Variants in CERKL observed in about 807,000 individuals in gnomAD.
CERKL encodes the protein CERK like autophagy regulator, also known as ceramide kinase-like protein.
CERKL carries 61 observed loss-of-function variants against 63.4 expected under a neutral mutation model. That is an observed-to-expected ratio of 0.96 (90% confidence interval 0.78 to 1.19). The LOEUF (loss-of-function observed/expected upper bound fraction) is 1.19, where lower values mean the gene tolerates loss of function less well. Among genes scored for constraint, CERKL ranks in the 50% most tolerant of loss-of-function variants. The pLI, the probability that CERKL is intolerant of heterozygous loss-of-function variation, is 0.00. For synonymous variants in CERKL, 250 were observed against 230.5 expected (o/e 1.08, Z -0.77); for missense variants, 675 against 655.5 (o/e 1.03, Z -0.33).
chr2:181,556,706 G>A (rs6721195), intron 5 of CERKL, among the ~76,000 whole-genome samples: 61,324 of 151,628 alleles, frequency 0.4, 13,418 homozygotes, highest in African/African-American at 0.57. Flanking sequence ...ATAAACATAT[G>A]TGTGTATGTG....
chr2:181,586,823 C>G (rs1328419302), intron 2 of CERKL, among the ~76,000 whole-genome samples: 1 of 152,244 alleles, frequency 6.6e-6, no homozygotes, highest in African/African-American at 2.4e-5. Context: ...CACTCCCAGA[C>G]TCACATCTGT....
At chr2:181,594,190 CTT>C (rs538562067) in intron 2 of CERKL, among the ~76,000 whole-genome samples, 139 of 152,258 alleles carry the variant, frequency 9.1e-4, no homozygotes, top group Middle Eastern at 3.4e-3. Flanking sequence ...TTATTGAACA[CTT>C]ATTATATGTG....
At chr2:181,625,621 C>T (rs918070061) in intron 1 of CERKL, among the ~76,000 whole-genome samples, 6 of 152,148 alleles carry the variant, frequency 3.9e-5, no homozygotes, top group Non-Finnish European at 7.3e-5. Flanking sequence ...AAAATGGCAT[C>T]GTGTTCTCAG....
chr2:181,576,430 T>G (rs1471620618), intron 2 of CERKL, among the ~76,000 whole-genome samples: 2 of 152,222 alleles, frequency 1.3e-5, no homozygotes, highest in Non-Finnish European at 2.9e-5. Context: ...TGATTGGGTT[T>G]TTAAAATATC....
intron 1 of CERKL, among the ~76,000 whole-genome samples, chr2:181,645,474 T>TA (rs1687630431): frequency 6.6e-6 from 1 of 152,348 alleles, no homozygotes; most frequent in East Asian, 1.9e-4. Context: ...TGGGAGGCCA[T>TA]ACTGCATGGA....
rs1559128437 is a variant in CERKL, at chr2:181,656,755, G to A, written c.238+14C>T. Reference sequence around the variant, plus strand: ...CGCGGAGGGAGGCGAAGACGCTTGGGGCCGGGCACTCACCCGCCGGGCGCT... The same window carrying A: ...CGCGGAGGGAGGCGAAGACGCTTGGAGCCGGGCACTCACCCGCCGGGCGCT... On this transcript the variant is annotated intron_variant, in intron 1 of 12. Coordinates refer to ENST00000410087, the MANE Select transcript of CERKL (RefSeq NM_201548.5). The A allele has an allele frequency of 6.3e-7, 1 of 1,581,464 alleles. No homozygotes were observed. Among genetic ancestry groups the A allele is most frequent in the Non-Finnish European group, 8.6e-7 (1 of 1,163,936 alleles).
intron 5 of CERKL, among the ~76,000 whole-genome samples, chr2:181,555,364 G>C (rs1688158257): frequency 6.6e-6 from 1 of 152,106 alleles, no homozygotes; most frequent in Non-Finnish European, 1.5e-5. Flanking sequence ...AAAATGCCAT[G>C]AAAAGATGGC....
Position 181,657,070 on chromosome 2 carries a change from G to A in CERKL, c.-64C>T, listed in dbSNP as rs778472631. ...GAGGCCTTTGGAGAAGGAGGTGGAG[G>A]GCGCGGCAGCCCCAGCTCTAGCCGC... On this transcript the variant is annotated 5_prime_UTR_variant, in exon 1 of 13. Coordinates refer to ENST00000410087, the MANE Select transcript of CERKL (RefSeq NM_201548.5). The A allele has an allele frequency of 2.9e-5, 41 of 1,422,234 alleles. No homozygotes were observed. In the East Asian group the frequency reaches 9.1e-4, roughly 32 times the overall value. 88.1% of individuals were successfully genotyped at this position (1,422,234 alleles called of 1,614,324 possible).
intron 1 of CERKL, among the ~76,000 whole-genome samples, chr2:181,611,325 T>C (rs1023626656): frequency 6.6e-6 from 1 of 151,726 alleles, no homozygotes; most frequent in Non-Finnish European, 1.5e-5. Context: ...TTGGTTTTGT[T>C]AAAAAAAAGT....
intron 2 of CERKL, among the ~76,000 whole-genome samples, chr2:181,579,622 A>G (rs1033973018): frequency 4.6e-5 from 7 of 151,884 alleles, no homozygotes; most frequent in Non-Finnish European, 8.8e-5. Flanking sequence ...ATTTGAATTT[A>G]TCAATCATCT....
At chr2:181,554,433 G>T (rs1299515258) in intron 5 of CERKL, among the ~76,000 whole-genome samples, 1 of 152,140 alleles carries the variant, frequency 6.6e-6, no homozygotes, top group Non-Finnish European at 1.5e-5. Context: ...TGGAAAGCAT[G>T]AATTTATTTA....
At chr2:181,587,409 A>G (rs960512305) in intron 2 of CERKL, among the ~76,000 whole-genome samples, 17 of 152,214 alleles carry the variant, frequency 1.1e-4, no homozygotes, top group African/African-American at 3.9e-4. Context: ...ATTTAAATAG[A>G]GAGCAAGAGA....
intron 1 of CERKL, among the ~76,000 whole-genome samples, chr2:181,606,112 G>C (rs1329778439): frequency 1.3e-5 from 2 of 148,360 alleles, no homozygotes; most frequent in African/African-American, 5.0e-5. Flanking sequence ...CAGAAGGAAA[G>C]GAAAGGCAAG....
chr2:181,628,166 T>C (rs1436681851), intron 1 of CERKL, among the ~76,000 whole-genome samples: 3 of 152,198 alleles, frequency 2.0e-5, no homozygotes, highest in South Asian at 2.1e-4. Flanking sequence ...AAACTCTTAT[T>C]TAAGCTTCAG....
At chr2:181,582,496 T>C (rs567555669) in intron 2 of CERKL, among the ~76,000 whole-genome samples, 26 of 151,142 alleles carry the variant, frequency 1.7e-4, no homozygotes, top group African/African-American at 6.3e-4. Context: ...TTTTATTTTA[T>C]TCAACTGAAA....
chr2:181,592,448 T>C (rs893137593), intron 2 of CERKL, among the ~76,000 whole-genome samples: 1 of 152,196 alleles, frequency 6.6e-6, no homozygotes, highest in Admixed American at 6.6e-5. Flanking sequence ...ACATAAGTAT[T>C]AACTATAAAA....
chr2:181,545,921 G>T (rs938042057), intron 10 of CERKL, among the ~76,000 whole-genome samples: 10 of 152,068 alleles, frequency 6.6e-5, no homozygotes, highest in African/African-American at 2.2e-4. Context: ...TTTAATCTTA[G>T]AATACTTAGA....
At chr2:181,562,469 GT>G (rs927530238) in intron 4 of CERKL, among the ~76,000 whole-genome samples, 10 of 152,188 alleles carry the variant, frequency 6.6e-5, no homozygotes, top group African/African-American at 2.2e-4. Context: ...TTACAGTTTG[GT>G]TTTTTTCATC....
intron 1 of CERKL, among the ~76,000 whole-genome samples, chr2:181,614,248 G>T (rs1425141415): frequency 6.6e-6 from 1 of 152,158 alleles, no homozygotes; most frequent in Admixed American, 6.5e-5. Flanking sequence ...CAAGGTTCTA[G>T]AGATCATCTG....
Sources: allele counts gnomAD v4.1 joint callset (sites outside exome capture counted in the v4.1 genomes callset), GRCh38; gene constraint gnomAD v4.1.1; transcripts MANE v1.5; gene names NCBI Gene and HGNC (gene_info 2026-07-23, HGNC 2026-07-21).